The following ME3 variants were observed in gnomAD, a reference collection of about 807,000 sequenced individuals.
The protein encoded by ME3 is malic enzyme 3.
ME3 carries 48 observed loss-of-function variants against 68.9 expected under a neutral mutation model. The ratio of observed to expected loss-of-function variants is 0.70; its 90% CI spans 0.55 to 0.89. ME3 has a LOEUF of 0.89. ME3 is among the 40% of genes least tolerant of loss of function. ME3 has a pLI of 0.00. For missense variants in ME3, 675 were observed against 797.4 expected (o/e 0.85, Z 1.85); for synonymous variants, 320 against 318.8 (o/e 1.00, Z -0.04).
intron 2 of ME3, among the ~76,000 whole-genome samples, chr11:86,631,054 C>G (rs577542740): frequency 6.6e-6 from 1 of 152,306 alleles, no homozygotes; most frequent in East Asian, 1.9e-4. Context: ...GAGCCCAGGT[C>G]TGGGGCCTGA....
chr11:86,672,259 G>A (rs911390416), intron 1 of ME3, 65 bp downstream of exon 1: 1 of 316,752 alleles, frequency 3.2e-6, no homozygotes, highest in Admixed American at 5.1e-5. Context: ...ACTGCGCGGC[G>A]AGGGGTCCCC....
intron 2 of ME3, among the ~76,000 whole-genome samples, chr11:86,560,748 GTA>G (rs142056305): frequency 0.32 from 20,088 of 62,250 alleles, 2,318 homozygotes; most frequent in Non-Finnish European, 0.37. Context: ...GTGTGTGTGT[GTA>G]TATATATATA....
At chr11:86,569,248 C>T (rs1957649778) in intron 2 of ME3, among the ~76,000 whole-genome samples, 1 of 152,234 alleles carries the variant, frequency 6.6e-6, no homozygotes, top group Admixed American at 6.5e-5. Context: ...GACATTACCA[C>T]ATCACAACGT....
intron 2 of ME3, among the ~76,000 whole-genome samples, chr11:86,624,429 T>C (rs1449939285): frequency 1.3e-5 from 2 of 152,182 alleles, no homozygotes; most frequent in Admixed American, 1.3e-4. Context: ...ATAAAAACAA[T>C]ATGTTTACCA....
At chr11:86,526,017 G>A (rs986785342) in intron 4 of ME3, among the ~76,000 whole-genome samples, 2 of 152,220 alleles carry the variant, frequency 1.3e-5, no homozygotes, top group African/African-American at 4.8e-5. Flanking sequence ...GTCAGAAAGT[G>A]GATGCAGGAC....
At chr11:86,534,354 T>G (rs1955498560) in intron 4 of ME3, among the ~76,000 whole-genome samples, 1 of 152,152 alleles carries the variant, frequency 6.6e-6, no homozygotes, top group South Asian at 2.1e-4. Flanking sequence ...TTAAGTTAAT[T>G]TTTTTCTCTT....
chr11:86,535,869 T>C (rs1454866788), intron 4 of ME3, among the ~76,000 whole-genome samples: 1 of 152,180 alleles, frequency 6.6e-6, no homozygotes, highest in Non-Finnish European at 1.5e-5. Context: ...ATAAAACTTC[T>C]TCTATCTATC....
chr11:86,497,980 C>G, exon 6 of ME3: 1 of 1,603,498 alleles, frequency 6.2e-7, no homozygotes, highest in Non-Finnish European at 8.5e-7. Context: ...TTGGTGCCGA[C>G]GTCCAGCAGC....
At chr11:86,634,506 C>T (rs1944212410) in intron 2 of ME3, among the ~76,000 whole-genome samples, 1 of 152,182 alleles carries the variant, frequency 6.6e-6, no homozygotes, top group African/African-American at 2.4e-5. Flanking sequence ...ACCTGTGTCT[C>T]AGCAAAGTCG....
At chr11:86,446,973 C>T (rs1041867893) in intron 12 of ME3, 92 bp downstream of exon 12, 45 of 1,456,938 alleles carry the variant, frequency 3.1e-5, no homozygotes, top group African/African-American at 1.1e-4. Context: ...TGCTCATCAG[C>T]GATGTAGGAG....
intron 8 of ME3, among the ~76,000 whole-genome samples, chr11:86,455,694 T>G (rs887794745): frequency 6.6e-6 from 1 of 152,182 alleles, no homozygotes; most frequent in Non-Finnish European, 1.5e-5. Flanking sequence ...TCCTTAAGAC[T>G]GCCCAAATGA....
intron 2 of ME3, among the ~76,000 whole-genome samples, chr11:86,652,172 A>C (rs1945486466): frequency 6.6e-6 from 1 of 152,238 alleles, no homozygotes; most frequent in African/African-American, 2.4e-5. Context: ...AACACTCTGC[A>C]GGATATTATC....
chr11:86,551,546 A>G (rs1272691796), intron 4 of ME3, among the ~76,000 whole-genome samples: 1 of 152,166 alleles, frequency 6.6e-6, no homozygotes, highest in Admixed American at 6.6e-5. Flanking sequence ...AACACAGGAA[A>G]TTGGCTCTTG....
intron 2 of ME3, among the ~76,000 whole-genome samples, chr11:86,671,070 G>A (rs919313043): frequency 6.6e-6 from 1 of 152,214 alleles, no homozygotes; most frequent in Non-Finnish European, 1.5e-5. Context: ...AGCTAGCGGT[G>A]GGTTGAACTC....
At chr11:86,656,785 C>A (rs1945911856) in intron 2 of ME3, among the ~76,000 whole-genome samples, 1 of 151,368 alleles carries the variant, frequency 6.6e-6, no homozygotes, top group Admixed American at 6.6e-5. Flanking sequence ...CAAATAACCC[C>A]ATCAAAAAGT....
chr11:86,618,261 C>T (rs1423358654), intron 2 of ME3, among the ~76,000 whole-genome samples: 1 of 134,978 alleles, frequency 7.4e-6, no homozygotes, highest in Admixed American at 8.1e-5. Context: ...GATTGCGCCA[C>T]TGCACCCCTG....
chr11:86,524,788 A>G (rs1954602671), intron 4 of ME3, among the ~76,000 whole-genome samples: 2 of 152,234 alleles, frequency 1.3e-5, no homozygotes, highest in South Asian at 4.1e-4. Context: ...CCCTGGAAGC[A>G]AATGTAAGAG....
At chr11:86,582,260 C>T (rs945423233) in intron 2 of ME3, among the ~76,000 whole-genome samples, 2 of 152,166 alleles carry the variant, frequency 1.3e-5, no homozygotes, top group Non-Finnish European at 1.5e-5. Flanking sequence ...CCTTCTGTGC[C>T]CATCTACTAA....
At chr11:86,495,516 G>A (rs1952266821) in intron 6 of ME3, among the ~76,000 whole-genome samples, 1 of 152,172 alleles carries the variant, frequency 6.6e-6, no homozygotes. Context: ...AAGGAATGAA[G>A]GTCTCAATTA....
Sources: gnomAD v4.1 joint callset for allele counts (sites outside exome capture counted in the v4.1 genomes callset) on GRCh38, gnomAD v4.1.1 for gene constraint, MANE v1.5 for transcripts, NCBI Gene and HGNC (gene_info 2026-07-23, HGNC 2026-07-21) for gene names.